Variants in CTDSPL2 observed in about 807,000 individuals in gnomAD.
CTDSPL2 encodes the protein CTD small phosphatase-like protein 2.
Under a neutral mutation model 60.0 loss-of-function variants are expected in CTDSPL2, and 5 were observed. The ratio of observed to expected loss-of-function variants is 0.08; its 90% CI spans 0.04 to 0.18. CTDSPL2 has a LOEUF of 0.18. Among genes scored for constraint, CTDSPL2 ranks in the 10% least tolerant of loss-of-function variants. CTDSPL2 has a pLI of 1.00. For synonymous variants in CTDSPL2, 186 were observed against 189.3 expected, an observed-to-expected ratio of 0.98 and a Z score of 0.14; for missense variants, 370 against 548.8, an observed-to-expected ratio of 0.67 and a Z score of 3.26.
chr15:44,476,124 A>C (rs2080910897), intron 2 of CTDSPL2, among the ~76,000 whole-genome samples: 1 of 152,138 alleles, frequency 6.6e-6, no homozygotes, highest in African/African-American at 2.4e-5. Flanking sequence ...GCTGGAGTGC[A>C]GTGGCACGAT....
At chr15:44,508,183 A>G (rs905673338) in intron 8 of CTDSPL2, among the ~76,000 whole-genome samples, 1 of 151,960 alleles carries the variant, frequency 6.6e-6, no homozygotes, top group African/African-American at 2.4e-5. Flanking sequence ...CCTGGGTTCA[A>G]GCAATTCTCC....
chr15:44,457,024 G>A (rs574793062), intron 1 of CTDSPL2, among the ~76,000 whole-genome samples: 19 of 151,898 alleles, frequency 1.3e-4, no homozygotes, highest in Middle Eastern at 3.4e-3. Context: ...CTACAGACAT[G>A]CACCACCATG....
intron 1 of CTDSPL2, among the ~76,000 whole-genome samples, chr15:44,444,302 TACACAC>T (rs59993417): frequency 1.8e-3 from 239 of 136,242 alleles, no homozygotes; most frequent in African/African-American, 2.4e-3. Context: ...GCTTTTCCCA[TACACAC>T]ACACACACAC....
At chr15:44,469,257 AT>A (rs1280147678) in intron 2 of CTDSPL2, among the ~76,000 whole-genome samples, 2 of 152,212 alleles carry the variant, frequency 1.3e-5, no homozygotes, top group East Asian at 3.8e-4. Flanking sequence ...TGAATTTCAT[AT>A]AGTTTTCATG....
chr15:44,466,578 G>A (rs549177832), intron 2 of CTDSPL2, among the ~76,000 whole-genome samples: 113 of 152,272 alleles, frequency 7.4e-4, no homozygotes, highest in African/African-American at 2.6e-3. Flanking sequence ...AATCTAGATG[G>A]TGTATTCTAC....
chr15:44,481,908 C>T (rs959372933), intron 2 of CTDSPL2, among the ~76,000 whole-genome samples: 1 of 152,182 alleles, frequency 6.6e-6, no homozygotes, highest in African/African-American at 2.4e-5. Flanking sequence ...TAATCTGCAG[C>T]AGATATTCTC....
intron 1 of CTDSPL2, among the ~76,000 whole-genome samples, chr15:44,447,392 A>T (rs1299966226): frequency 2.0e-5 from 3 of 152,230 alleles, no homozygotes; most frequent in Non-Finnish European, 4.4e-5. Context: ...ACTACAAAAA[A>T]ATTTGCATAT....
rs147437657 is a variant in CTDSPL2 at position 44,490,787 on chromosome 15, C to A, written c.479C>A (p.Thr160Lys). ...NFFSPANKNG[T>K]SGSDSPGQAV... Reference sequence around the variant, plus strand: ...GTACACTGAATCATGATTTCAGGAACGTCAGGATCAGATTCTCCAGGACAG... The same window carrying A: ...GTACACTGAATCATGATTTCAGGAAAGTCAGGATCAGATTCTCCAGGACAG... The change falls in exon 5 of 13, where the codon ACG becomes AAG. Residue 160 changes from threonine to lysine, a missense_variant. Around this residue, in one of 6 missense-constraint regions of CTDSPL2, gnomAD observed 287 missense variants for 296.1 expected, o/e 0.97. Transcript: ENST00000260327. The A allele has an allele frequency of 6.2e-7, 1 of 1,611,672 alleles. No individual in the cohort carries two copies. Among genetic ancestry groups the A allele is most frequent in the African/African-American group, 1.3e-5 (1 of 74,950 alleles).
At chr15:44,454,162 G>A (rs867212378) in intron 1 of CTDSPL2, among the ~76,000 whole-genome samples, 6 of 152,172 alleles carry the variant, frequency 3.9e-5, no homozygotes, top group Non-Finnish European at 7.4e-5. Flanking sequence ...GTTTTGATTT[G>A]CATTTCTCTG....
At chr15:44,435,908 A>G (rs572064954) in intron 1 of CTDSPL2, among the ~76,000 whole-genome samples, 2 of 152,236 alleles carry the variant, frequency 1.3e-5, no homozygotes, top group East Asian at 3.9e-4. Context: ...CACCTGGCCA[A>G]GTTGATATTT....
intron 2 of CTDSPL2, among the ~76,000 whole-genome samples, chr15:44,465,712 CTTTTTTTT>C (rs772862374): frequency 6.2e-5 from 8 of 128,038 alleles, no homozygotes; most frequent in African/African-American, 2.4e-4. Context: ...TCCTCCTCCT[CTTTTTTTT>C]TTTTTTTTTT....
At chr15:44,438,253 G>C (rs2080016452) in intron 1 of CTDSPL2, among the ~76,000 whole-genome samples, 2 of 145,688 alleles carry the variant, frequency 1.4e-5, no homozygotes. Flanking sequence ...GACAGAGCGA[G>C]ACTCCGTCTC....
intron 12 of CTDSPL2, among the ~76,000 whole-genome samples, chr15:44,521,672 C>T (rs912830170): frequency 3.9e-5 from 6 of 152,058 alleles, no homozygotes; most frequent in African/African-American, 1.4e-4. Context: ...GGCGCGGTGG[C>T]TCACGCCTGT....
chr15:44,486,528 C>G, intron 3 of CTDSPL2, 23 bp from the exon 4 acceptor site: 1 of 1,498,764 alleles, frequency 6.7e-7, no homozygotes, highest in South Asian at 1.3e-5. Context: ...TAGATCATGA[C>G]TTTTTTCTTG....
At chr15:44,511,867 C>CAAAAAAAA (rs68063380) in intron 8 of CTDSPL2, among the ~76,000 whole-genome samples, 56 of 30,602 alleles carry the variant, frequency 1.8e-3, no homozygotes, top group Non-Finnish European at 3.0e-3. Context: ...GACGGTCTCG[C>CAAAAAAAA]AAAAAAAAAA....
intron 2 of CTDSPL2, among the ~76,000 whole-genome samples, chr15:44,462,172 G>A (rs1171815231): frequency 6.6e-6 from 1 of 152,142 alleles, no homozygotes; most frequent in Non-Finnish European, 1.5e-5. Flanking sequence ...ACAAACTCCT[G>A]GTCTCAAGCT....
chr15:44,473,779 C>T (rs551213717), intron 2 of CTDSPL2, among the ~76,000 whole-genome samples: 2 of 152,294 alleles, frequency 1.3e-5, no homozygotes, highest in East Asian at 1.9e-4. Context: ...GCTATTTCAC[C>T]GTCTAACATT....
intron 2 of CTDSPL2, among the ~76,000 whole-genome samples, chr15:44,468,204 G>A (rs996708350): frequency 6.6e-6 from 1 of 151,964 alleles, no homozygotes; most frequent in African/African-American, 2.4e-5. Flanking sequence ...TCTTTGTGGG[G>A]TATCTTTTAC....
Position 44,445,677 on chromosome 15 carries a change from G to A in CTDSPL2, c.-24-13314G>A, listed in dbSNP as rs375500069. On this transcript the variant is annotated intron_variant, in intron 1 of 12. Coordinates refer to ENST00000260327, the MANE Select transcript of CTDSPL2 (RefSeq NM_016396.3). ...TTTTGAGATGGAGTCTCGCACTGTC[G>A]CCTGGGCTGGAGTGCAGTGGCACGA... Among the ~76,000 whole-genome samples, 9 of 149,306 alleles carry A rather than the reference G, an allele frequency of 6.0e-5. No individual in the cohort carries two copies. The East Asian group carries it at 9.8e-4, about 16-fold the overall frequency.
Sources: gnomAD v4.1 joint callset for allele counts (sites outside exome capture counted in the v4.1 genomes callset) on GRCh38, gnomAD v4.1.1 for gene constraint, gnomAD v4.1.1 regional missense constraint, MANE v1.5 for transcripts, NCBI Gene and HGNC (gene_info 2026-07-23, HGNC 2026-07-21) for gene names.